Variants in CHD9 observed in about 807,000 individuals in gnomAD.
CHD9 encodes the protein chromodomain helicase DNA binding protein 9, also known as ATP-dependent chromatin remodeler CHD9.
In CHD9, 77 loss-of-function variants were observed where a neutral mutation model predicts 316.1. The observed-to-expected ratio is 0.24, with a 90% CI of 0.20 to 0.29. CHD9 has a LOEUF of 0.29. Ranked by LOEUF, CHD9 falls within the 10% of genes least tolerant of loss-of-function variation. CHD9 has a pLI of 1.00. For synonymous variants in CHD9, 1,129 were observed against 1,158.3 expected (o/e 0.97, Z 0.51); for missense variants, 2,763 against 3,438.1 (o/e 0.80, Z 4.91).
chr16:53,281,811 G>A (rs1215788671), intron 24 of CHD9, among the ~76,000 whole-genome samples: 2 of 152,038 alleles, frequency 1.3e-5, no homozygotes, highest in African/African-American at 2.4e-5. Context: ...CAGATTACTC[G>A]GATCTCAACT....
intron 1 of CHD9, among the ~76,000 whole-genome samples, chr16:53,065,443 G>A (rs2033404576): frequency 6.6e-6 from 1 of 151,900 alleles, no homozygotes; most frequent in Non-Finnish European, 1.5e-5. Flanking sequence ...AAATCAGCCA[G>A]GGCAATATAG....
chr16:53,189,902 C>A (rs1429012489), intron 2 of CHD9, among the ~76,000 whole-genome samples: 1 of 152,112 alleles, frequency 6.6e-6, no homozygotes, highest in Non-Finnish European at 1.5e-5. Flanking sequence ...GACCTGTAAT[C>A]ATTTAAGTAC....
chr16:53,081,792 C>T (rs143571240), intron 1 of CHD9, among the ~76,000 whole-genome samples: 123 of 152,082 alleles, frequency 8.1e-4, no homozygotes, highest in African/African-American at 2.9e-3. Flanking sequence ...TGGTGTTTCA[C>T]TATGTTGCCC....
intron 18 of CHD9, among the ~76,000 whole-genome samples, chr16:53,254,989 G>A (rs1365042461): frequency 1.3e-5 from 2 of 151,794 alleles, no homozygotes; most frequent in African/African-American, 4.8e-5. Context: ...TTCGCTCAAG[G>A]TTCTTGCCTA....
chr16:53,247,645 G>A, intron 16 of CHD9, 142 bp downstream of exon 16: 8 of 659,702 alleles, frequency 1.2e-5, no homozygotes, highest in South Asian at 6.0e-5. Flanking sequence ...AGTAAAGATT[G>A]TTTAGGATTA....
At chr16:53,138,583 C>T (rs1160530521) in intron 1 of CHD9, among the ~76,000 whole-genome samples, 1 of 152,166 alleles carries the variant, frequency 6.6e-6, no homozygotes, top group Non-Finnish European at 1.5e-5. Flanking sequence ...TTAAAGCACT[C>T]AAAGCCTAAG....
intron 29 of CHD9, 83 bp downstream of exon 29, chr16:53,293,135 C>A: frequency 8.3e-7 from 1 of 1,199,058 alleles, no homozygotes; most frequent in Non-Finnish European, 1.2e-6. Context: ...AATTATCACG[C>A]TTTGTGGAAA....
Position 53,273,645 on chromosome 16 carries a change from C to A in CHD9, c.4737C>A (p.Pro1579=). 6.2e-7 allele frequency: 1 copy of A among 1,609,986 alleles called. No homozygotes were observed. The highest frequency in any genetic ancestry group is 8.5e-7 in the Non-Finnish European group (1 of 1,177,718). ...TAACAGGCCTATCAGCTCCTGTACC[C>A]AGGGGTCGAAAAGGGAAGAAAGTAA... The part of the protein sequence containing the change: ...QNHLGLSAPV[P]RGRKGKKVKT... The change falls in exon 23 of 39, where the codon CCC becomes CCA. Residue 1579 remains proline, a synonymous_variant. Coordinates refer to ENST00000447540, the MANE Select transcript of CHD9 (RefSeq NM_001308319.2).
intron 2 of CHD9, among the ~76,000 whole-genome samples, chr16:53,179,846 G>A (rs985294868): frequency 5.3e-5 from 8 of 150,860 alleles, no homozygotes; most frequent in Non-Finnish European, 8.8e-5. Flanking sequence ...GCAGTGAGCC[G>A]AGATGACACC....
intron 36 of CHD9, among the ~76,000 whole-genome samples, chr16:53,316,588 A>G (rs751176698): frequency 3.3e-5 from 5 of 152,218 alleles, no homozygotes; most frequent in Non-Finnish European, 5.9e-5. Context: ...TCTAAAGATT[A>G]TAAGATGTAA....
At chr16:53,171,291 C>T (rs552490276) in intron 2 of CHD9, among the ~76,000 whole-genome samples, 28 of 152,016 alleles carry the variant, frequency 1.8e-4, no homozygotes, top group East Asian at 7.7e-4. Flanking sequence ...TGGTGGCGGG[C>T]GCCTGTAGTC....
rs554900659 is a variant in CHD9 at position 53,076,271 on chromosome 16, T to A, written c.-165+21194T>A. ...AAAATTTTTCATAACATCCAATTTT[T>A]AAAAAAAAATTATTTTAATTAGGCT... On this transcript the variant is annotated intron_variant, in intron 1 of 38. Transcript: ENST00000447540. 7.9e-5 allele frequency among the ~76,000 whole-genome samples: 12 copies of A among 151,908 alleles called. No individual in the cohort carries two copies. In the South Asian group the frequency reaches 8.3e-4, roughly 11 times the overall value.
chr16:53,115,446 T>G (rs910301619), intron 1 of CHD9, among the ~76,000 whole-genome samples: 3 of 152,254 alleles, frequency 2.0e-5, no homozygotes, highest in Non-Finnish European at 4.4e-5. Context: ...TCTATGAGGT[T>G]GGTGAATCTC....
chr16:53,121,182 C>A, intron 1 of CHD9: 1 of 341,874 alleles, frequency 2.9e-6, no homozygotes, highest in Non-Finnish European at 5.8e-6. Context: ...TGTTGTATTC[C>A]CAGCCCCTAG....
chr16:53,281,208 C>A (rs1012049496), intron 24 of CHD9, among the ~76,000 whole-genome samples: 2 of 152,180 alleles, frequency 1.3e-5, no homozygotes, highest in Non-Finnish European at 2.9e-5. Flanking sequence ...TGCCTCCCAA[C>A]ATTTCCACTT....
chr16:53,228,041 G>A (rs545558753), intron 7 of CHD9, among the ~76,000 whole-genome samples: 5 of 151,606 alleles, frequency 3.3e-5, no homozygotes, highest in Non-Finnish European at 5.9e-5. Context: ...AGCCGAGATC[G>A]TGCCACCATA....
Position 53,238,074 on chromosome 16 carries a change from A to G in CHD9, c.2634-269A>G, listed in dbSNP as rs563367211. On this transcript the variant is annotated intron_variant, in intron 11 of 38. Coordinates refer to ENST00000447540, the MANE Select transcript of CHD9 (RefSeq NM_001308319.2). ...ATTAAATGATTCCTGAACAAATAATATATTGAGTTGGCCTTGCCCTTCCCT... is the reference window on the plus strand; with the variant it reads ...ATTAAATGATTCCTGAACAAATAATGTATTGAGTTGGCCTTGCCCTTCCCT... 2.0e-5 allele frequency among the ~76,000 whole-genome samples: 3 copies of G among 152,300 alleles called. 1 individual carries two copies. The highest frequency in any genetic ancestry group is 4.8e-5 in the African/African-American group (2 of 41,572).
At chr16:53,305,104 C>T (rs932051307) in intron 31 of CHD9, among the ~76,000 whole-genome samples, 1 of 152,008 alleles carries the variant, frequency 6.6e-6, no homozygotes, top group African/African-American at 2.4e-5. Flanking sequence ...CTCTGTCGCC[C>T]AGGCTGGAGT....
intron 2 of CHD9, among the ~76,000 whole-genome samples, chr16:53,178,071 G>A (rs2152799888): frequency 6.6e-6 from 1 of 152,330 alleles, no homozygotes; most frequent in South Asian, 2.1e-4. Flanking sequence ...TTCTGCAAGT[G>A]GGTATGAGAC....
Sources: allele counts gnomAD v4.1 joint callset (sites outside exome capture counted in the v4.1 genomes callset), GRCh38; gene constraint gnomAD v4.1.1; transcripts MANE v1.5; gene names NCBI Gene and HGNC (gene_info 2026-07-23, HGNC 2026-07-21).